The following KYAT1 variants were observed in gnomAD, a reference collection of about 807,000 sequenced individuals.
The protein encoded by KYAT1 is kynurenine aminotransferase 1, also known as kynurenine--oxoglutarate transaminase 1.
A neutral mutation model predicts 52.4 loss-of-function variants in KYAT1; 47 were observed. The observed-to-expected ratio is 0.90, with a 90% confidence interval of 0.71 to 1.14. KYAT1 has a LOEUF of 1.14. KYAT1 is among the 50% of genes most tolerant of loss of function. KYAT1 has a pLI of 0.00. For synonymous variants in KYAT1, 212 were observed against 209.6 expected, an observed-to-expected ratio of 1.01 and a Z score of -0.10; for missense variants, 480 against 557.9, an observed-to-expected ratio of 0.86 and a Z score of 1.41.
At chr9:128,845,101 T>C (rs947287339) in intron 2 of KYAT1, among the ~76,000 whole-genome samples, 6 of 152,168 alleles carry the variant, frequency 3.9e-5, no homozygotes, top group Non-Finnish European at 5.9e-5. Flanking sequence ...GGTATAACTC[T>C]TCATTTTGCA....
intron 5 of KYAT1, 51 bp downstream of exon 5, chr9:128,838,000 G>C (rs1831434362): frequency 1.1e-5 from 17 of 1,577,202 alleles, no homozygotes; most frequent in Non-Finnish European, 1.5e-5. Flanking sequence ...GTCCAACTCA[G>C]CCCACGCCTT....
rs747350532 is a variant in KYAT1, at chr9:128,833,605, C to G, written c.1248G>C (p.Arg416=). ...AGGGCTAGAGTTCCACCTTCCACTT[C>G]CGCAGCTTCTCGTCCATGGCCTGGA... ...ATLQAMDEKL[R]KWKVEL Residue 416 remains arginine (R), a synonymous_variant, in exon 13 of 13, where the codon CGG becomes CGC. Transcript: ENST00000302586. 6.2e-7 allele frequency: 1 copy of G among 1,614,246 alleles called. No homozygotes were observed. Among genetic ancestry groups the G allele is most frequent in the South Asian group, 1.1e-5 (1 of 91,090 alleles).
chr9:128,873,636 G>A lies in KYAT1; in HGVS notation c.-7+8261C>T, dbSNP rs138334154. On this transcript the variant is annotated intron_variant, in intron 1 of 12. Transcript: ENST00000302586. Reference sequence around the variant, plus strand: ...AAATTACAAAAAAAATTAGCTGGGTGTAGTGGCAGGTGCCTGTAATCCCAT... The same window carrying A: ...AAATTACAAAAAAAATTAGCTGGGTATAGTGGCAGGTGCCTGTAATCCCAT... 5.6e-3 allele frequency among the ~76,000 whole-genome samples: 851 copies of A among 152,066 alleles called. 5 individuals carry two copies. Among genetic ancestry groups the A allele is most frequent in the African/African-American group, 0.018 (760 of 41,502 alleles).
chr9:128,834,213 G>C (rs1029762810), intron 11 of KYAT1, among the ~76,000 whole-genome samples: 1 of 152,094 alleles, frequency 6.6e-6, no homozygotes, highest in Admixed American at 6.6e-5. Context: ...GCCAGATTGC[G>C]CCACTTCACC....
At chr9:128,854,742 G>A (rs561417113) in intron 1 of KYAT1, among the ~76,000 whole-genome samples, 3 of 152,276 alleles carry the variant, frequency 2.0e-5, no homozygotes, top group Non-Finnish European at 4.4e-5. Flanking sequence ...GCAGTCACTT[G>A]GATGGATAAT....
At chr9:128,861,221 T>C (rs1329778619) in intron 1 of KYAT1, among the ~76,000 whole-genome samples, 1 of 152,198 alleles carries the variant, frequency 6.6e-6, no homozygotes, top group African/African-American at 2.4e-5. Flanking sequence ...TCATCTTGAA[T>C]TGCAGTTCTC....
chr9:128,853,676 A>G (rs527809285), intron 1 of KYAT1, among the ~76,000 whole-genome samples: 16 of 152,386 alleles, frequency 1.0e-4, no homozygotes, highest in Middle Eastern at 3.4e-3. Flanking sequence ...CAAATGAACA[A>G]GCTGACTTGC....
intron 3 of KYAT1, among the ~76,000 whole-genome samples, chr9:128,841,651 G>A (rs1052807726): frequency 2.7e-5 from 4 of 145,570 alleles, no homozygotes; most frequent in African/African-American, 1.0e-4. Flanking sequence ...AGCCGAGATT[G>A]CGCCCCTGCA....
chr9:128,834,114 CG>C lies in KYAT1; in HGVS notation c.1123-289del, dbSNP rs199847690. Among the ~76,000 whole-genome samples the C allele has an allele frequency of 1.4e-3, 210 of 152,228 alleles. 3 individuals carry two copies. The East Asian group carries it at 0.031, about 23-fold the overall frequency. On this transcript the variant is annotated intron_variant, in intron 11 of 12. Transcript: ENST00000302586. ...CTCTACCAAAAATACAAAAATTGGCCGGGTGTGGTGGCGCATGCCTGTAATC... is the reference window on the plus strand; with the variant it reads ...CTCTACCAAAAATACAAAAATTGGCCGGTGTGGTGGCGCATGCCTGTAATC...
intron 3 of KYAT1, among the ~76,000 whole-genome samples, chr9:128,839,402 C>T (rs531935079): frequency 1.9e-3 from 285 of 152,190 alleles, no homozygotes; most frequent in Non-Finnish European, 3.0e-3. Flanking sequence ...AGATTAGATC[C>T]AGAAACTTGT....
intron 1 of KYAT1, among the ~76,000 whole-genome samples, chr9:128,869,451 G>A (rs1379593933): frequency 3.3e-5 from 5 of 152,172 alleles, no homozygotes; most frequent in Non-Finnish European, 7.3e-5. Context: ...GTGAGCCACC[G>A]TACCCGGCAC....
intron 1 of KYAT1, among the ~76,000 whole-genome samples, chr9:128,873,756 A>G (rs7866345): frequency 0.084 from 12,735 of 151,524 alleles, 817 homozygotes; most frequent in African/African-American, 0.18. Context: ...GCGAGACTCC[A>G]TCTCAAAAAG....
intron 1 of KYAT1, among the ~76,000 whole-genome samples, chr9:128,872,337 G>C (rs960444821): frequency 6.6e-6 from 1 of 151,770 alleles, no homozygotes; most frequent in Non-Finnish European, 1.5e-5. Flanking sequence ...CCAGCTACTC[G>C]GGAGGCTGAG....
chr9:128,865,326 TATATATATATATATATA>T (rs1836092038), intron 1 of KYAT1, among the ~76,000 whole-genome samples: 2 of 46,640 alleles, frequency 4.3e-5, no homozygotes, highest in South Asian at 6.8e-4. Context: ...TATATATATA[TATATATATATATATATA>T]TATATATATA....
chr9:128,853,422 G>A (rs1180776507), intron 1 of KYAT1, among the ~76,000 whole-genome samples: 1 of 152,186 alleles, frequency 6.6e-6, no homozygotes, highest in East Asian at 1.9e-4. Flanking sequence ...AGCTCAAAGA[G>A]CAGAGTTGGT....
chr9:128,877,133 G>A (rs1485302256), intron 1 of KYAT1, among the ~76,000 whole-genome samples: 2 of 152,078 alleles, frequency 1.3e-5, no homozygotes, highest in African/African-American at 4.8e-5. Context: ...TCTGGCCTCT[G>A]GTGATCTGCC....
intron 1 of KYAT1, among the ~76,000 whole-genome samples, chr9:128,856,407 G>A (rs573223105): frequency 6.6e-6 from 1 of 152,302 alleles, no homozygotes; most frequent in Admixed American, 6.5e-5. Flanking sequence ...AGCGAAAACA[G>A]GCCATAATGA....
rs61541653 is a variant in KYAT1 at position 128,858,993 on chromosome 9, C to CAA, written c.-6-13584_-6-13583dup. Reference sequence around the variant, plus strand: ...TGGGTGACAGAACAAGACTCCATCTCAAAAAAAAAAAAAAAGCAAAGAAAA... The same window carrying CAA: ...TGGGTGACAGAACAAGACTCCATCTCAAAAAAAAAAAAAAAAAGCAAAGAAAA... On this transcript the variant is annotated intron_variant, in intron 1 of 12. Transcript: ENST00000302586. 4.0e-3 allele frequency among the ~76,000 whole-genome samples: 301 copies of CAA among 75,484 alleles called. 1 individual carries two copies. The highest frequency in any genetic ancestry group is 0.012 in the African/African-American group (277 of 22,724). The allele number at this position is 75,484 out of a possible 152,430, so 49.5% of individuals were successfully genotyped here.
chr9:128,881,991 C>T (rs1839010335), upstream of KYAT1: 1 of 152,306 alleles, frequency 6.6e-6, no homozygotes, highest in African/African-American at 2.4e-5. Context: ...GGCTCCGCTA[C>T]TTCCGCCCCG....
Sources: gnomAD v4.1 joint callset for allele counts (sites outside exome capture counted in the v4.1 genomes callset) on GRCh38, gnomAD v4.1.1 for gene constraint, MANE v1.5 for transcripts, NCBI Gene and HGNC (gene_info 2026-07-23, HGNC 2026-07-21) for gene names.